Variants in DLGAP1 observed in about 807,000 individuals in gnomAD.
The protein encoded by DLGAP1 is disks large-associated protein 1.
In DLGAP1, 11 loss-of-function variants were observed where a neutral mutation model predicts 90.8. The ratio of observed to expected loss-of-function variants is 0.12; its 90% CI spans 0.08 to 0.20. DLGAP1 has a LOEUF of 0.20. DLGAP1 is among the 10% of genes least tolerant of loss of function. The probability of loss-of-function intolerance (pLI) is 1.00; values close to 1 mark genes in which losing one functional copy is unlikely to be tolerated. For missense variants in DLGAP1, 1,050 were observed against 1,333.8 expected, an observed-to-expected ratio of 0.79 and a Z score of 3.31; for synonymous variants, 558 against 540.7, an observed-to-expected ratio of 1.03 and a Z score of -0.44.
chr18:3,900,896 G>C (rs886633382), intron 3 of DLGAP1, among the ~76,000 whole-genome samples: 5 of 152,038 alleles, frequency 3.3e-5, no homozygotes, highest in African/African-American at 9.7e-5. Flanking sequence ...AAGCCACCTC[G>C]CCTCTCCCAT....
intron 1 of DLGAP1, among the ~76,000 whole-genome samples, chr18:4,316,812 G>A (rs892398390): frequency 6.6e-6 from 1 of 152,164 alleles, no homozygotes; most frequent in African/African-American, 2.4e-5. Context: ...CTGACTGTAT[G>A]CCACAATTTG....
intron 2 of DLGAP1, among the ~76,000 whole-genome samples, chr18:4,115,837 T>C (rs1469523069): frequency 2.0e-5 from 3 of 152,338 alleles, no homozygotes; most frequent in East Asian, 3.9e-4. Flanking sequence ...TTGTCAAAAA[T>C]ATTAAATTTC....
At chr18:4,057,236 ACTC>A (rs2075233913) in intron 2 of DLGAP1, among the ~76,000 whole-genome samples, 1 of 151,852 alleles carries the variant, frequency 6.6e-6, no homozygotes, top group South Asian at 2.1e-4. Flanking sequence ...TAGACAGAAA[ACTC>A]CTGAAACTGG....
intron 3 of DLGAP1, among the ~76,000 whole-genome samples, chr18:3,937,957 T>C (rs960943217): frequency 3.3e-5 from 5 of 152,212 alleles, no homozygotes; most frequent in African/African-American, 9.6e-5. Context: ...CAATAGGCCA[T>C]ACTTACAGGG....
At chr18:3,622,853 G>T (rs907818900) in intron 7 of DLGAP1, among the ~76,000 whole-genome samples, 3 of 151,280 alleles carry the variant, frequency 2.0e-5, no homozygotes, top group African/African-American at 7.3e-5. Flanking sequence ...CGCCCAGGCT[G>T]GAGTGCAGTG....
chr18:3,616,337 A>G (rs2057863548), intron 7 of DLGAP1, among the ~76,000 whole-genome samples: 2 of 152,200 alleles, frequency 1.3e-5, no homozygotes, highest in East Asian at 3.8e-4. Flanking sequence ...ACTGTGGCAC[A>G]GCCCTGGGCG....
At chr18:3,860,994 C>G (rs560669041) in intron 4 of DLGAP1, among the ~76,000 whole-genome samples, 1 of 152,300 alleles carries the variant, frequency 6.6e-6, no homozygotes, top group East Asian at 1.9e-4. Flanking sequence ...GTTCAGATAC[C>G]TTTATGCTTC....
intron 7 of DLGAP1, among the ~76,000 whole-genome samples, chr18:3,613,672 G>A (rs532663774): frequency 6.6e-6 from 1 of 152,252 alleles, no homozygotes; most frequent in Admixed American, 6.5e-5. Flanking sequence ...AGTACTCTTA[G>A]GAAGTATGAA....
At chr18:3,938,996 GA>G (rs1376537667) in intron 3 of DLGAP1, among the ~76,000 whole-genome samples, 3 of 152,198 alleles carry the variant, frequency 2.0e-5, no homozygotes, top group Non-Finnish European at 2.9e-5. Flanking sequence ...CTTGATAGAG[GA>G]TGAAACTGGA....
intron 1 of DLGAP1, among the ~76,000 whole-genome samples, chr18:4,451,922 G>A (rs549077890): frequency 6.6e-6 from 1 of 152,222 alleles, no homozygotes; most frequent in East Asian, 1.9e-4. Context: ...GTGAGGATTG[G>A]GGAAACGTGT....
At chr18:4,013,677 T>C (rs1460567226) in intron 2 of DLGAP1, 1 of 152,200 alleles carries the variant, frequency 6.6e-6, no homozygotes, top group Non-Finnish European at 1.5e-5. Context: ...CACCACACAC[T>C]TTTGTCCCCA....
chr18:4,053,228 A>G (rs756006747), intron 2 of DLGAP1, among the ~76,000 whole-genome samples: 9 of 152,228 alleles, frequency 5.9e-5, no homozygotes, highest in African/African-American at 4.8e-5. Context: ...ATTGACTCAC[A>G]GTTTAGCATG....
intron 1 of DLGAP1, among the ~76,000 whole-genome samples, chr18:4,385,595 G>A (rs2082214585): frequency 6.6e-6 from 1 of 152,022 alleles, no homozygotes; most frequent in Non-Finnish European, 1.5e-5. Context: ...AAGCGCCATG[G>A]GAATGAGCAG....
At position 3,646,399 on chromosome 18, in the gene DLGAP1, G is replaced by GA. The variant is rs546667875; in HGVS notation, c.1592-64152dup. Among the ~76,000 whole-genome samples the GA allele has an allele frequency of 3.3e-3, 501 of 151,898 alleles. 1 individual carries two copies. The highest frequency in any genetic ancestry group is 5.2e-3 in the Non-Finnish European group (355 of 67,928). ...GATCCTGTTTCCAAAAAAAGAAAAA[G>GA]AAAAAGATAGGAAAAGAAAACAAAT... On this transcript the variant is annotated intron_variant, in intron 7 of 12. Transcript: ENST00000315677.
intron 9 of DLGAP1, among the ~76,000 whole-genome samples, chr18:3,563,469 T>C (rs912119179): frequency 5.8e-5 from 2 of 34,492 alleles, no homozygotes; most frequent in Non-Finnish European, 1.1e-4. Context: ...TTTTTTTGTT[T>C]TTTTGGTTTT....
At chr18:4,086,684 A>C (rs534559484) in intron 2 of DLGAP1, among the ~76,000 whole-genome samples, 6 of 151,606 alleles carry the variant, frequency 4.0e-5, no homozygotes, top group Admixed American at 3.3e-4. Flanking sequence ...AATTCTTTTA[A>C]ATTTGTTGAA....
chr18:3,790,899 AC>A (rs2065701874), intron 5 of DLGAP1, among the ~76,000 whole-genome samples: 1 of 152,188 alleles, frequency 6.6e-6, no homozygotes, highest in South Asian at 2.1e-4. Flanking sequence ...AGGCCCCTGA[AC>A]TTGCTTTCAG....
intron 1 of DLGAP1, among the ~76,000 whole-genome samples, chr18:4,278,906 C>T (rs1357350549): frequency 6.6e-6 from 1 of 152,072 alleles, no homozygotes; most frequent in Non-Finnish European, 1.5e-5. Flanking sequence ...AGTGGGATTG[C>T]TGGATCTATT....
intron 9 of DLGAP1, among the ~76,000 whole-genome samples, chr18:3,555,917 C>CT (rs1214109844): frequency 1.3e-5 from 2 of 151,856 alleles, no homozygotes; most frequent in East Asian, 1.9e-4. Context: ...CTTTCTCCTC[C>CT]TTTTTTTTGA....
Sources: gnomAD v4.1 joint callset for allele counts (sites outside exome capture counted in the v4.1 genomes callset) on GRCh38, gnomAD v4.1.1 for gene constraint, MANE v1.5 for transcripts, NCBI Gene and HGNC (gene_info 2026-07-23, HGNC 2026-07-21) for gene names.